The following HINT1 variants were observed in gnomAD, a reference collection of about 807,000 sequenced individuals.
The protein encoded by HINT1 is adenosine 5'-monophosphoramidase HINT1.
Under a neutral mutation model 11.2 loss-of-function variants are expected in HINT1, and 12 were observed. The ratio of observed to expected loss-of-function variants is 1.07; its 90% confidence interval spans 0.69 to 1.74. The LOEUF is 1.74. Among genes scored for constraint, HINT1 ranks in the 40% most tolerant of loss-of-function variants. HINT1 has a pLI of 0.00. For synonymous variants in HINT1, 42 were observed against 52.6 expected (o/e 0.80, Z 0.87); for missense variants, 150 against 161.8 (o/e 0.93, Z 0.40).
At chr5:131,165,020 C>T in intron 1 of HINT1, 75 bp downstream of exon 1, 12 of 1,598,036 alleles carry the variant, frequency 7.5e-6, no homozygotes, top group Non-Finnish European at 1.0e-5. Flanking sequence ...CCCCTCCTCT[C>T]CCTCCGCGAG....
intron 1 of HINT1, among the ~76,000 whole-genome samples, chr5:131,164,578 C>T (rs1755342828): frequency 6.6e-6 from 1 of 152,110 alleles, no homozygotes; most frequent in Non-Finnish European, 1.5e-5. Flanking sequence ...GCCCGCGCAC[C>T]TCCCAGCGCC....
In HINT1 at chr5:131,162,621, G is replaced by A. The variant is rs1376505274; in HGVS notation, c.167C>T (p.Pro56Leu). ...PQAPTHFLVI[P>L]KKHISQISVA... ...AGAAATCTGGGATATATGTTTCTTG[G>A]GTATCACCAGAAAATGTGTTGGTGC... Residue 56 changes from proline to leucine, a missense_variant, in exon 2 of 3, where the codon CCC becomes CTC. Coordinates refer to ENST00000304043, the MANE Select transcript of HINT1 (RefSeq NM_005340.7). 6.2e-7 allele frequency: 1 copy of A among 1,613,218 alleles called. No individual in the cohort carries two copies. The highest frequency in any genetic ancestry group is 1.7e-5 in the Admixed American group (1 of 60,014).
At chr5:131,160,948 A>G in intron 2 of HINT1, 1 of 400,496 alleles carries the variant, frequency 2.5e-6, no homozygotes, top group Non-Finnish European at 5.1e-6. Context: ...TATAATGTTC[A>G]GTAAGTTAGG....
intron 2 of HINT1, chr5:131,160,908 C>T (rs937502003): frequency 6.7e-6 from 3 of 447,184 alleles, no homozygotes; most frequent in Non-Finnish European, 1.4e-5. Flanking sequence ...TTAAGTGTTC[C>T]GAGCAAGCTT....
At chr5:131,161,994 T>C (rs1755261346) in intron 2 of HINT1, 1 of 162,762 alleles carries the variant, frequency 6.1e-6, no homozygotes, top group African/African-American at 2.4e-5. Context: ...TTTCTCTTCC[T>C]TATGATTTTC....
chr5:131,162,130 CCTGA>C (rs1482254440), intron 2 of HINT1: 22 of 411,258 alleles, frequency 5.3e-5, no homozygotes, highest in South Asian at 5.1e-4. Context: ...TCGAAACTAT[CCTGA>C]CTAACATGGT....
In HINT1 at chr5:131,159,560, G is replaced by A. The variant is rs766240010; in HGVS notation, c.268C>T (p.Leu90=). Residue 90 remains leucine (L), a synonymous_variant, in exon 3 of 3, where the codon CTG becomes TTG. Transcript: ENST00000304043. ...VGKKCAADLG[L]NKGYRMVVNE... ...ACCACCATTCGATAACCCTTATTCA[G>A]GCCCAGATCAGCAGCACATTTCTTG... The A allele has an allele frequency of 2.5e-6, 4 of 1,613,136 alleles. No homozygotes were observed. The East Asian group carries it at 8.9e-5, about 36-fold the overall frequency.
At chr5:131,162,539 C>T in intron 2 of HINT1, 33 bp downstream of exon 2, 1 of 1,606,818 alleles carries the variant, frequency 6.2e-7, no homozygotes, top group Non-Finnish European at 8.5e-7. Context: ...ATTTAAAAAG[C>T]AAGAAAATAA....
In HINT1 at chr5:131,159,447, T is replaced by G; in HGVS notation, c.381A>C (p.Ter127TyrextTer13). 1 of 1,610,776 alleles carries G rather than the reference T, an allele frequency of 6.2e-7. No individual in the cohort carries two copies. Among genetic ancestry groups the G allele is most frequent in the Non-Finnish European group, 8.5e-7 (1 of 1,179,452 alleles). Reference sequence around the variant, plus strand: ...AGAGAAAATTATCCCCAAAACGTGCTTAACCAGGAGGCCAATGCATTTGCC... The same window carrying G: ...AGAGAAAATTATCCCCAAAACGTGCGTAACCAGGAGGCCAATGCATTTGCC... ...GGRQMHWPPG[*>Y] Residue 127 changes from the stop codon to tyrosine (Y), a stop_lost, in exon 3 of 3, where the codon TAA (stop) becomes TAC (tyrosine). Coordinates refer to ENST00000304043, the MANE Select transcript of HINT1 (RefSeq NM_005340.7).
At chr5:131,163,985 T>C (rs1186334438) in intron 1 of HINT1, among the ~76,000 whole-genome samples, 1 of 152,242 alleles carries the variant, frequency 6.6e-6, no homozygotes, top group Non-Finnish European at 1.5e-5. Flanking sequence ...CAAAGGCAAC[T>C]GCGAACTTTA....
At chr5:131,164,840 C>A (rs1463811029) in intron 1 of HINT1, among the ~76,000 whole-genome samples, 1 of 151,774 alleles carries the variant, frequency 6.6e-6, no homozygotes, top group Non-Finnish European at 1.5e-5. Context: ...CCCCGCGGTG[C>A]GGCACTCAGG....
chr5:131,159,654 A>G (rs749637686), intron 2 of HINT1, 43 bp from the exon 3 acceptor site: 1 of 1,554,002 alleles, frequency 6.4e-7, no homozygotes, highest in East Asian at 2.3e-5. Context: ...GCAATTTATT[A>G]CTTCTTGCCA....
intron 2 of HINT1, among the ~76,000 whole-genome samples, chr5:131,161,268 C>T (rs1755240435): frequency 6.6e-6 from 1 of 152,094 alleles, no homozygotes; most frequent in Admixed American, 6.6e-5. Context: ...AAGCTCTGAC[C>T]TTAAAATGCC....
intron 1 of HINT1, among the ~76,000 whole-genome samples, chr5:131,163,586 T>G (rs1235266874): frequency 2.1e-5 from 3 of 142,726 alleles, no homozygotes; most frequent in African/African-American, 5.4e-5. Context: ...AATTTCCTGG[T>G]TTTTTTTTTT....
intron 2 of HINT1, among the ~76,000 whole-genome samples, chr5:131,160,181 G>A (rs575921460): frequency 2.7e-5 from 4 of 146,096 alleles, no homozygotes; most frequent in Admixed American, 2.6e-4. Context: ...TATTCCAAGT[G>A]CTGTTTTAAG....
At position 131,164,827 on chromosome 5, in the gene HINT1, A is replaced by C. The variant is rs185252898; in HGVS notation, c.111+268T>G. 0.018 allele frequency among the ~76,000 whole-genome samples: 2,741 copies of C among 151,894 alleles called. 86 individuals carry two copies. Among genetic ancestry groups the C allele is most frequent in the African/African-American group, 0.062 (2,568 of 41,470 alleles). ...CCCCAGTGCGCCCCGACACGCGCCC[A>C]GGCCCCGCGGTGCGGCACTCAGGGC... On this transcript the variant is annotated intron_variant, in intron 1 of 2. Transcript: ENST00000304043.
chr5:131,165,146 C>T lies in HINT1; in HGVS notation c.60G>A (p.Gly20=). ...VARPGGDTIF[G]KIIRKEIPAK... ...CTGGTATTTCCTTGCGGATGATCTT[C>T]CCAAAGATCGTGTCGCCACCAGGCC... The change falls in exon 1 of 3, where the codon GGG becomes GGA. Residue 20 remains glycine (G), a synonymous_variant. Coordinates refer to ENST00000304043, the MANE Select transcript of HINT1 (RefSeq NM_005340.7). 1 of 1,612,714 alleles carries T rather than the reference C, an allele frequency of 6.2e-7. No individual in the cohort carries two copies. The highest frequency in any genetic ancestry group is 2.2e-5 in the East Asian group (1 of 44,866).
chr5:131,162,085 GGAGGCC>G, intron 2 of HINT1: 2 of 289,194 alleles, frequency 6.9e-6, no homozygotes, highest in Admixed American at 9.4e-5. Flanking sequence ...CAGCACTTTG[GGAGGCC>G]GAGGCGGGCG....
intron 2 of HINT1, 100 bp downstream of exon 2, chr5:131,162,472 A>G: frequency 6.4e-7 from 1 of 1,564,680 alleles, no homozygotes; most frequent in Non-Finnish European, 8.6e-7. Flanking sequence ...TTTCCTTAGT[A>G]ATGACCTTAG....
Sources: gnomAD v4.1 joint callset for allele counts (sites outside exome capture counted in the v4.1 genomes callset) on GRCh38, gnomAD v4.1.1 for gene constraint, MANE v1.5 for transcripts, NCBI Gene and HGNC (gene_info 2026-07-23, HGNC 2026-07-21) for gene names.